Variants in IL17D observed in about 807,000 individuals in gnomAD.
The protein encoded by IL17D is interleukin-17D.
A neutral mutation model predicts 5.7 loss-of-function variants in IL17D; 10 were observed. That is an observed-to-expected ratio of 1.75 (90% CI 1.08 to 2.97). IL17D has a LOEUF of 2.97. IL17D is among the 30% of genes most tolerant of loss of function. IL17D has a pLI of 0.00. For synonymous variants in IL17D, 172 were observed against 141.7 expected (o/e 1.21, Z -1.52); for missense variants, 354 against 292.7 (o/e 1.21, Z -1.53).
intron 1 of IL17D, among the ~76,000 whole-genome samples, chr13:20,715,530 C>T (rs766120675): frequency 1.6e-4 from 24 of 152,236 alleles, no homozygotes; most frequent in Non-Finnish European, 2.9e-4. Context: ...ATAGCGCTTA[C>T]GTTGTTGACT....
intron 1 of IL17D, among the ~76,000 whole-genome samples, chr13:20,704,967 A>T (rs964012584): frequency 1.3e-5 from 2 of 152,218 alleles, no homozygotes; most frequent in Non-Finnish European, 2.9e-5. Context: ...GCATGAAGTG[A>T]CATGAACAGT....
At chr13:20,718,845 T>A (rs1309522036) in intron 1 of IL17D, among the ~76,000 whole-genome samples, 1 of 89,572 alleles carries the variant, frequency 1.1e-5, no homozygotes, top group Non-Finnish European at 2.2e-5. Flanking sequence ...CAGACACACC[T>A]GCCCCCTCAC....
At chr13:20,709,249 G>A (rs2058615674) in intron 1 of IL17D, among the ~76,000 whole-genome samples, 1 of 151,874 alleles carries the variant, frequency 6.6e-6, no homozygotes, top group South Asian at 2.1e-4. Context: ...CTTTTATGGA[G>A]GGCGATTTGG....
intron 1 of IL17D, among the ~76,000 whole-genome samples, chr13:20,708,588 A>G (rs1344357836): frequency 6.6e-6 from 1 of 152,096 alleles, no homozygotes; most frequent in Non-Finnish European, 1.5e-5. Flanking sequence ...ATAATTACAC[A>G]CCATTTCTTC....
chr13:20,703,282 C>G (rs1217449938), upstream of IL17D: 3 of 986,312 alleles, frequency 3.0e-6, no homozygotes, highest in Non-Finnish European at 3.6e-6. Context: ...CGGCGCGAAT[C>G]TGAAAGCGCT....
intron 1 of IL17D, 27 bp from the exon 2 acceptor site, chr13:20,721,609 G>A (rs2058735409): frequency 6.4e-7 from 1 of 1,558,834 alleles, no homozygotes; most frequent in South Asian, 1.2e-5. Context: ...CCCCAGGCGT[G>A]ACCTCACCCG....
chr13:20,706,223 T>A (rs1005113804), intron 1 of IL17D, among the ~76,000 whole-genome samples: 1 of 152,186 alleles, frequency 6.6e-6, no homozygotes, highest in South Asian at 2.1e-4. Context: ...TTCATTCTGG[T>A]ATCTTGGTGC....
In IL17D at chr13:20,704,189, G is replaced by C. The variant is rs1164579923; in HGVS notation, c.188G>C (p.Arg63Pro). ...AFHHTLQLGP[R>P]EQARNASCPA... ...CACCACACGCTGCAGCTGGGGCCGC[G>C]TGAGCAGGCGCGCAACGCGAGCTGC... The change falls in exon 1 of 2, where the codon CGT (arginine) becomes CCT (proline). Residue 63 changes from arginine (R) to proline (P), a missense_variant. Transcript: ENST00000682841. The C allele has an allele frequency of 1.5e-6, 2 of 1,371,366 alleles. No homozygotes were observed. Among genetic ancestry groups the C allele is most frequent in the African/African-American group, 3.1e-5 (2 of 64,934 alleles). The allele number at this position is 1,371,366 out of a possible 1,614,324, so 84.9% of individuals were successfully genotyped here. A position where few individuals can be genotyped will look rare whatever the true frequency, so the allele number is the denominator to read the frequency against.
At chr13:20,703,491 G>C (rs979183348), upstream of IL17D, 9 of 932,398 alleles carry the variant, frequency 9.7e-6, no homozygotes, top group South Asian at 4.9e-5. Context: ...AGCGGGCCGC[G>C]GACCCTGCGC....
At chr13:20,701,745 G>A (rs2058549321), upstream of IL17D, 1 of 152,124 alleles carries the variant, frequency 6.6e-6, no homozygotes, top group East Asian at 1.9e-4. Context: ...GTTGAAATTT[G>A]AGGGGAACTC....
intron 1 of IL17D, among the ~76,000 whole-genome samples, chr13:20,704,843 T>A (rs1016821107): frequency 6.6e-6 from 1 of 152,048 alleles, no homozygotes; most frequent in Non-Finnish European, 1.5e-5. Context: ...AGTGCCCCTG[T>A]GGTCCAGAGG....
intron 1 of IL17D, among the ~76,000 whole-genome samples, chr13:20,714,946 A>G (rs909788089): frequency 8.5e-5 from 13 of 152,146 alleles, no homozygotes; most frequent in African/African-American, 2.7e-4. Context: ...CTCCCTGGCC[A>G]GCCACCAGAG....
intron 1 of IL17D, among the ~76,000 whole-genome samples, chr13:20,705,492 C>A (rs750568004): frequency 6.6e-6 from 1 of 152,070 alleles, no homozygotes; most frequent in African/African-American, 2.4e-5. Context: ...TCCAGGAGTT[C>A]GAGACCAGCC....
chr13:20,704,022 G>C lies in IL17D; in HGVS notation c.21G>C (p.Leu7=). Residue 7 remains leucine (L), a synonymous_variant, in exon 1 of 2, where the codon CTG becomes CTC. Transcript: ENST00000682841. ...TCTGGATGCTGGTAGCCGGCTTCCT[G>C]CTGGCGCTGCCGCCGAGCTGGGCCG... The part of the protein sequence containing the change: MLVAGF[L]LALPPSWAAG... 2.9e-6 allele frequency: 3 copies of C among 1,029,068 alleles called. No homozygotes were observed. The highest frequency in any genetic ancestry group is 3.5e-6 in the Non-Finnish European group (3 of 861,988). 63.7% of individuals were successfully genotyped at this position (1,029,068 alleles called of 1,614,324 possible). A position where few individuals can be genotyped will look rare whatever the true frequency, so the allele number is the denominator to read the frequency against.
rs972032244 is a variant in IL17D at position 20,722,124 on chromosome 13, C to T, written c.*170C>T. On this transcript the variant is annotated 3_prime_UTR_variant, in exon 2 of 2. Transcript: ENST00000682841. ...GACTCGTAAGCAGCTTCATCTGACACGGGCATCCCTGGCTTGCTTTTAGCT... is the reference window on the plus strand; with the variant it reads ...GACTCGTAAGCAGCTTCATCTGACATGGGCATCCCTGGCTTGCTTTTAGCT... 1.5e-5 allele frequency: 9 copies of T among 585,442 alleles called. No homozygotes were observed. The highest frequency in any genetic ancestry group is 3.4e-5 in the Admixed American group (1 of 29,278). The allele number at this position is 585,442 out of a possible 1,614,324, so 36.3% of individuals were successfully genotyped here. A position where few individuals can be genotyped will look rare whatever the true frequency, so the allele number is the denominator to read the frequency against.
At chr13:20,712,992 C>T (rs988684442) in intron 1 of IL17D, 1 of 149,922 alleles carries the variant, frequency 6.7e-6, no homozygotes, top group Non-Finnish European at 1.5e-5. Flanking sequence ...TTCCTTCCTT[C>T]CTCCCTCCCT....
chr13:20,707,325 A>T (rs1465300530), intron 1 of IL17D, among the ~76,000 whole-genome samples: 1 of 150,196 alleles, frequency 6.7e-6, no homozygotes, highest in East Asian at 2.0e-4. Flanking sequence ...AGGTGTGGTC[A>T]TGTTTGCCTG....
At chr13:20,701,525 T>C (rs1349069395), upstream of IL17D, 1 of 152,216 alleles carries the variant, frequency 6.6e-6, no homozygotes, top group African/African-American at 2.4e-5. Context: ...CTAAGCAGTC[T>C]TGCAGCTGTG....
intron 1 of IL17D, among the ~76,000 whole-genome samples, chr13:20,710,197 AAAAT>A (rs1189347562): frequency 6.6e-6 from 1 of 152,346 alleles, no homozygotes; most frequent in Admixed American, 6.5e-5. Context: ...AAAAATGCCA[AAAAT>A]AAAGTCAATT....
Sources: allele counts gnomAD v4.1 joint callset (sites outside exome capture counted in the v4.1 genomes callset), GRCh38; gene constraint gnomAD v4.1.1; transcripts MANE v1.5; gene names NCBI Gene and HGNC (gene_info 2026-07-23, HGNC 2026-07-21).